Variants in EPHA5 observed in about 807,000 individuals in gnomAD.
EPHA5 encodes the protein EPH receptor A5.
In EPHA5, 60 loss-of-function variants were observed where a neutral mutation model predicts 105.0. The observed-to-expected ratio is 0.57, with a 90% confidence interval of 0.46 to 0.71. EPHA5 has a LOEUF of 0.71. Among genes scored for constraint, EPHA5 ranks in the 30% least tolerant of loss-of-function variants. The pLI is 0.00. For missense variants in EPHA5, 1,218 were observed against 1,274.7 expected (o/e 0.96, Z 0.68); for synonymous variants, 513 against 449.1 (o/e 1.14, Z -1.80).
chr4:65,640,000 T>C (rs1004690840), intron 2 of EPHA5, among the ~76,000 whole-genome samples: 1 of 152,210 alleles, frequency 6.6e-6, no homozygotes, highest in Non-Finnish European at 1.5e-5. Context: ...TTTACACATA[T>C]TTTCCCTTAC....
intron 3 of EPHA5, among the ~76,000 whole-genome samples, chr4:65,565,282 C>T (rs984791201): frequency 1.3e-5 from 2 of 151,624 alleles, no homozygotes; most frequent in Non-Finnish European, 3.0e-5. Context: ...TATTATTATG[C>T]AATCTTTTCA....
chr4:65,342,266 G>T (rs531498466), intron 14 of EPHA5, among the ~76,000 whole-genome samples: 6 of 151,870 alleles, frequency 4.0e-5, no homozygotes, highest in Non-Finnish European at 7.4e-5. Flanking sequence ...TTTTCATGAG[G>T]CTACTAGTTC....
intron 5 of EPHA5, among the ~76,000 whole-genome samples, chr4:65,466,467 G>A (rs190760641): frequency 6.6e-6 from 1 of 152,312 alleles, no homozygotes; most frequent in Non-Finnish European, 1.5e-5. Flanking sequence ...AGTCATTAGA[G>A]GGTTTTGAGG....
intron 5 of EPHA5, among the ~76,000 whole-genome samples, chr4:65,487,879 T>C (rs1042884545): frequency 4.6e-5 from 7 of 152,296 alleles, no homozygotes; most frequent in African/African-American, 1.4e-4. Context: ...TGACTCTCTC[T>C]GGGGAGGGGG....
At chr4:65,452,431 G>GAA (rs1470251293) in intron 5 of EPHA5, among the ~76,000 whole-genome samples, 2 of 152,008 alleles carry the variant, frequency 1.3e-5, no homozygotes, top group African/African-American at 4.8e-5. Context: ...AGATATGTTA[G>GAA]AAAACTTATT....
At chr4:65,377,106 A>C in intron 8 of EPHA5, 1 of 1,573,248 alleles carries the variant, frequency 6.4e-7, no homozygotes, top group Non-Finnish European at 8.7e-7. Context: ...AAGAGATCCC[A>C]CTCCCTCAAA....
At chr4:65,330,837 C>A (rs1242486648) in intron 16 of EPHA5, 4 of 1,031,924 alleles carry the variant, frequency 3.9e-6, no homozygotes, top group Non-Finnish European at 4.7e-6. Context: ...TCTGGTGGAC[C>A]GTGAGAATGA....
At chr4:65,332,613 G>T (rs564715096) in intron 15 of EPHA5, among the ~76,000 whole-genome samples, 1 of 151,354 alleles carries the variant, frequency 6.6e-6, no homozygotes, top group Admixed American at 6.6e-5. Context: ...CTGGTAATGG[G>T]GTGGTGGGGG....
intron 15 of EPHA5, among the ~76,000 whole-genome samples, chr4:65,335,601 C>A (rs1721095141): frequency 6.6e-6 from 1 of 151,942 alleles, no homozygotes; most frequent in South Asian, 2.1e-4. Flanking sequence ...ATGTTATAAT[C>A]TTACATTCCT....
At chr4:65,470,928 A>G (rs1432942094) in intron 5 of EPHA5, among the ~76,000 whole-genome samples, 3 of 152,222 alleles carry the variant, frequency 2.0e-5, no homozygotes, top group African/African-American at 7.2e-5. Context: ...GCCTATAACA[A>G]TATCTGAATT....
intron 5 of EPHA5, among the ~76,000 whole-genome samples, chr4:65,446,975 A>ATTTTTTTTTTTTTTTT (rs397993760): frequency 4.4e-5 from 5 of 112,918 alleles, no homozygotes; most frequent in East Asian, 2.4e-4. Flanking sequence ...TTAAAAGCTC[A>ATTTTTTTTTTTTTTTT]TTTTTTTTTT....
At chr4:65,431,844 T>TACAA (rs1725010087) in intron 5 of EPHA5, among the ~76,000 whole-genome samples, 1 of 152,098 alleles carries the variant, frequency 6.6e-6, no homozygotes, top group Non-Finnish European at 1.5e-5. Flanking sequence ...TCATTTATCT[T>TACAA]TGTATCCTCT....
chr4:65,630,678 G>T (rs184484601), intron 2 of EPHA5, among the ~76,000 whole-genome samples: 1 of 152,028 alleles, frequency 6.6e-6, no homozygotes, highest in East Asian at 1.9e-4. Context: ...TCTGCCTTAG[G>T]TTGCCTCAAA....
chr4:65,571,058 T>G (rs887772487), intron 3 of EPHA5, among the ~76,000 whole-genome samples: 1 of 151,834 alleles, frequency 6.6e-6, no homozygotes, highest in African/African-American at 2.4e-5. Flanking sequence ...TCTTCCTACC[T>G]TTCCCTTTTC....
intron 3 of EPHA5, among the ~76,000 whole-genome samples, chr4:65,525,275 T>A (rs1248796960): frequency 6.6e-6 from 1 of 151,804 alleles, no homozygotes; most frequent in Non-Finnish European, 1.5e-5. Flanking sequence ...TGACTGTTGC[T>A]ATAAAAGAGA....
rs5858973 is a variant in EPHA5 at position 65,602,328 on chromosome 4, TAA to T, written c.247-26_247-25del. ...CACTGTACAATATAAAATAGAAAGA[TAA>T]AAAAAATTCAAAAAATAGAAAATAA... On this transcript the variant is annotated intron_variant, in intron 2 of 16. Coordinates refer to ENST00000613740, the MANE Select transcript of EPHA5 (RefSeq NM_001281766.3). 6 of 1,465,172 alleles carry T rather than the reference TAA, an allele frequency of 4.1e-6. No individual in the cohort carries two copies. The African/African-American group carries it at 5.6e-5, about 14-fold the overall frequency. 90.8% of individuals were successfully genotyped at this position (1,465,172 alleles called of 1,614,324 possible).
chr4:65,556,685 G>A (rs1738476354), intron 3 of EPHA5, among the ~76,000 whole-genome samples: 1 of 152,016 alleles, frequency 6.6e-6, no homozygotes, highest in African/African-American at 2.4e-5. Flanking sequence ...TAGTGTTAAT[G>A]CTATTTTCAG....
At chr4:65,635,526 T>C (rs1434000013) in intron 2 of EPHA5, among the ~76,000 whole-genome samples, 1 of 151,990 alleles carries the variant, frequency 6.6e-6, no homozygotes, top group Non-Finnish European at 1.5e-5. Context: ...GACAACTCAG[T>C]GGGGAGAAGA....
chr4:65,341,545 C>T (rs1473537786), intron 14 of EPHA5, among the ~76,000 whole-genome samples: 1 of 149,656 alleles, frequency 6.7e-6, no homozygotes, highest in Non-Finnish European at 1.5e-5. Context: ...TTTATTTGCA[C>T]CATAAATAAA....
Sources: gnomAD v4.1 joint callset for allele counts (sites outside exome capture counted in the v4.1 genomes callset) on GRCh38, gnomAD v4.1.1 for gene constraint, MANE v1.5 for transcripts, NCBI Gene and HGNC (gene_info 2026-07-23, HGNC 2026-07-21) for gene names.